Variants in PCDH11X observed in about 807,000 individuals in gnomAD.
PCDH11X encodes protocadherin-11 X-linked.
In PCDH11X, 18 loss-of-function variants were observed where a neutral mutation model predicts 53.3. The observed-to-expected ratio is 0.34, with a 90% confidence interval of 0.23 to 0.50. The LOEUF is 0.50. PCDH11X is among the 20% of genes least tolerant of loss of function. PCDH11X has a pLI of 0.98. For synonymous variants in PCDH11X, 279 were observed against 393.3 expected (o/e 0.71, Z 3.44); for missense variants, 570 against 1,032.4 (o/e 0.55, Z 6.14).
Position 92,111,219 on chromosome X carries a change from T to TAAAAAAAAAAAAAA in PCDH11X, c.3034-90137_3034-90124dup, listed in dbSNP as rs771823629. Among the ~76,000 whole-genome samples, 26 of 19,813 alleles carry TAAAAAAAAAAAAAA rather than the reference T, an allele frequency of 1.3e-3. 5 individuals are homozygous for TAAAAAAAAAAAAAA. The East Asian group carries it at 0.052, about 40-fold the overall frequency. 17.2% of individuals were successfully genotyped at this position (19,813 alleles called of 115,157 possible). A position where few individuals can be genotyped will look rare whatever the true frequency, so the allele number is the denominator to read the frequency against. Reference sequence around the variant, plus strand: ...GAGCTGGATTTGAATCACCTAACGCTAAAAAAAAAAAAAAAAAAAAAAAAA... The same window carrying TAAAAAAAAAAAAAA: ...GAGCTGGATTTGAATCACCTAACGCTAAAAAAAAAAAAAAAAAAAAAAAAAAAAAAAAAAAAAAA... On this transcript the variant is annotated intron_variant, in intron 6 of 10. Coordinates refer to ENST00000682573, the MANE Select transcript of PCDH11X (RefSeq NM_032968.5).
chrX:92,299,124 G>T (rs2068669438), intron 8 of PCDH11X, among the ~76,000 whole-genome samples: 1 of 110,784 alleles, frequency 9.0e-6, no homozygotes, highest in Non-Finnish European at 1.9e-5. Context: ...GTGGAGGCCT[G>T]CGGAGTTTCT....
intron 6 of PCDH11X, among the ~76,000 whole-genome samples, chrX:92,140,894 A>G (rs1012523189): frequency 9.0e-6 from 1 of 111,671 alleles, no homozygotes; most frequent in African/African-American, 3.2e-5. Flanking sequence ...ATAAATATGT[A>G]TTTTGCTTTC....
Position 92,147,823 on chromosome X carries a change from C to CTTTCTTTCTTTCT in PCDH11X, c.3034-53549_3034-53537dup, listed in dbSNP as rs2065301324. Among the ~76,000 whole-genome samples the CTTTCTTTCTTTCT allele has an allele frequency of 4.5e-5, 4 of 89,775 alleles. No homozygotes were observed. The Admixed American group carries it at 4.9e-4, about 11-fold the overall frequency. 78.0% of individuals were successfully genotyped at this position (89,775 alleles called of 115,157 possible). ...CTTTTCTTCCTTCCTTTCTTTCTTTCTTTCTTTCTTTCTTTCTTTCTTTCT... is the reference window on the plus strand; with the variant it reads ...CTTTTCTTCCTTCCTTTCTTTCTTTCTTTCTTTCTTTCTTTTCTTTCTTTCTTTCTTTCTTTCT... On this transcript the variant is annotated intron_variant, in intron 6 of 10. Coordinates refer to ENST00000682573, the MANE Select transcript of PCDH11X (RefSeq NM_032968.5).
intron 6 of PCDH11X, among the ~76,000 whole-genome samples, chrX:92,010,378 A>T (rs1049274904): frequency 9.1e-6 from 1 of 110,062 alleles, no homozygotes; most frequent in Non-Finnish European, 1.9e-5. Flanking sequence ...CATTCTTGTC[A>T]TCTGGGATGA....
intron 10 of PCDH11X, among the ~76,000 whole-genome samples, chrX:92,538,821 G>A (rs1304046969): frequency 9.6e-6 from 1 of 104,247 alleles, no homozygotes; most frequent in Non-Finnish European, 2.0e-5. Flanking sequence ...CATGATTACA[G>A]TGTTATAATA....
chrX:92,622,409 G>A lies in PCDH11X; in HGVS notation c.*3469G>A, dbSNP rs866056855. ...ATTTCAACATTAGTTTTTTTTGTTT[G>A]TTTCTTTTTCATGGTATTACTGAAG... On this transcript the variant is annotated 3_prime_UTR_variant, in exon 11 of 11. Transcript: ENST00000682573. The A allele has an allele frequency of 7.9e-4, 87 of 110,666 alleles. No homozygotes were observed. Among genetic ancestry groups the A allele is most frequent in the African/African-American group, 2.8e-3 (85 of 30,620 alleles). The allele number at this position is 110,666 out of a possible 1,213,427, so 9.1% of individuals were successfully genotyped here.
chrX:92,085,139 A>G (rs1278791744), intron 6 of PCDH11X, among the ~76,000 whole-genome samples: 3 of 111,016 alleles, frequency 2.7e-5, no homozygotes, highest in African/African-American at 9.8e-5. Flanking sequence ...CTGATTGGCT[A>G]GAGCTAGATG....
At position 92,437,130 on chromosome X, in the gene PCDH11X, A is replaced by G. The variant is rs549858662; in HGVS notation, c.3344-31169A>G. 3.3e-4 allele frequency among the ~76,000 whole-genome samples: 36 copies of G among 110,623 alleles called. 1 individual carries two copies. In the South Asian group the frequency reaches 0.014, roughly 42 times the overall value. The stretch of plus-strand genomic sequence containing the variant: ...ATGTATCCCATAAATATATACACCT[A>G]CTCTGTACGCACAAAAATTTGAAAA... On this transcript the variant is annotated intron_variant, in intron 9 of 10. Coordinates refer to ENST00000682573, the MANE Select transcript of PCDH11X (RefSeq NM_032968.5).
At chrX:92,459,913 A>G (rs2072998857) in intron 9 of PCDH11X, 2 of 1,175,939 alleles carry the variant, frequency 1.7e-6, no homozygotes, top group Middle Eastern at 2.9e-4. Flanking sequence ...CAAGAAGACC[A>G]TGCAAAGCCT....
chrX:92,465,127 A>G (rs906673831), intron 9 of PCDH11X, among the ~76,000 whole-genome samples: 34 of 111,227 alleles, frequency 3.1e-4, no homozygotes, highest in Admixed American at 1.9e-4. Flanking sequence ...TGCCTGGGCT[A>G]CAGAGTGAGA....
At chrX:92,184,311 G>A (rs2066052773) in intron 6 of PCDH11X, among the ~76,000 whole-genome samples, 1 of 111,829 alleles carries the variant, frequency 8.9e-6, no homozygotes, top group African/African-American at 3.3e-5. Flanking sequence ...CAAGACTGTG[G>A]TTGCAATTTA....
chrX:92,467,623 G>A (rs2073181968), intron 9 of PCDH11X, among the ~76,000 whole-genome samples: 1 of 110,906 alleles, frequency 9.0e-6, no homozygotes, highest in Non-Finnish European at 1.9e-5. Flanking sequence ...TGATTTCACA[G>A]TGTTTTGAAG....
chrX:92,060,203 C>G (rs2063505927), intron 6 of PCDH11X, among the ~76,000 whole-genome samples: 1 of 104,794 alleles, frequency 9.5e-6, no homozygotes, highest in South Asian at 4.4e-4. Context: ...TTATTCTGTT[C>G]TGTGTGTCAT....
intron 10 of PCDH11X, among the ~76,000 whole-genome samples, chrX:92,595,062 T>G (rs1323064535): frequency 9.0e-6 from 1 of 110,762 alleles, no homozygotes; most frequent in Non-Finnish European, 1.9e-5. Flanking sequence ...TTTTTTCTTT[T>G]GTAACAGGAA....
intron 8 of PCDH11X, among the ~76,000 whole-genome samples, chrX:92,294,501 T>C (rs747495500): frequency 4.2e-4 from 47 of 112,524 alleles, no homozygotes; most frequent in African/African-American, 1.4e-3. Context: ...ATTCTAGCAA[T>C]ATTATTGGCT....
At chrX:91,875,261 G>A (rs5984838) in intron 5 of PCDH11X, among the ~76,000 whole-genome samples, 6,256 of 100,919 alleles carry the variant, frequency 0.062, 543 homozygotes, top group African/African-American at 0.22. Context: ...TCATCTTATT[G>A]TAGTACAGGG....
intron 6 of PCDH11X, among the ~76,000 whole-genome samples, chrX:92,179,291 A>G (rs1209688428): frequency 8.9e-6 from 1 of 112,379 alleles, no homozygotes; most frequent in Non-Finnish European, 1.9e-5. Flanking sequence ...GAAGTTTATA[A>G]ATATATAAAG....
At chrX:92,483,078 C>T in intron 10 of PCDH11X, among the ~76,000 whole-genome samples, 1 of 109,277 alleles carries the variant, frequency 9.2e-6, no homozygotes, top group Non-Finnish European at 1.9e-5. Context: ...TTTTTTATCC[C>T]TCAAAGATAA....
chrX:92,419,151 T>G (rs1294370829), intron 9 of PCDH11X, among the ~76,000 whole-genome samples: 2 of 108,068 alleles, frequency 1.9e-5, no homozygotes, highest in Non-Finnish European at 3.8e-5. Context: ...GTGTTTATAT[T>G]CCTTGTTCTG....
Sources: allele counts gnomAD v4.1 joint callset (sites outside exome capture counted in the v4.1 genomes callset), GRCh38; gene constraint gnomAD v4.1.1; transcripts MANE v1.5; gene names NCBI Gene and HGNC (gene_info 2026-07-23, HGNC 2026-07-21).